Variants in CSNK1G1 observed in about 807,000 individuals in gnomAD.
CSNK1G1 encodes the protein casein kinase I isoform gamma-1.
A neutral mutation model predicts 59.6 loss-of-function variants in CSNK1G1; 22 were observed. The observed-to-expected ratio is 0.37, with a 90% CI of 0.26 to 0.53. The LOEUF (loss-of-function observed/expected upper bound fraction) is 0.53. CSNK1G1 is among the 20% of genes least tolerant of loss of function. The pLI, the probability that CSNK1G1 is intolerant of heterozygous loss-of-function variation, is 0.89. For synonymous variants in CSNK1G1, 179 were observed against 177.1 expected (o/e 1.01, Z -0.08); for missense variants, 384 against 519.5 (o/e 0.74, Z 2.54).
intron 10 of CSNK1G1, among the ~76,000 whole-genome samples, chr15:64,187,358 ATT>A (rs371229586): frequency 1.4e-5 from 2 of 145,280 alleles, no homozygotes; most frequent in Admixed American, 6.9e-5. Flanking sequence ...GGCCTGGCTA[ATT>A]TTTTTTTTTT....
Position 64,166,157 on chromosome 15 carries a change from G to A in CSNK1G1, c.*5774C>T. 2 of 509,188 alleles carry A rather than the reference G, an allele frequency of 3.9e-6. No homozygotes were observed. Among genetic ancestry groups the A allele is most frequent in the East Asian group, 3.2e-5 (1 of 31,320 alleles). 31.5% of individuals were successfully genotyped at this position (509,188 alleles called of 1,614,324 possible). On this transcript the variant is annotated 3_prime_UTR_variant, in exon 12 of 12. Transcript: ENST00000303052. This position sits in a 1 kb window ranked among gnomAD's most constrained non-coding sequence, Gnocchi z 4.5. Reference sequence around the variant, plus strand: ...CCACACATTAAAACTGATTTCCACTGCTGATTTATACATTATCTAGTTGTT... The same window carrying A: ...CCACACATTAAAACTGATTTCCACTACTGATTTATACATTATCTAGTTGTT...
intron 4 of CSNK1G1, among the ~76,000 whole-genome samples, chr15:64,238,724 C>T (rs2140301766): frequency 6.6e-6 from 1 of 151,708 alleles, no homozygotes; most frequent in South Asian, 2.1e-4. Context: ...GAATTCAAAC[C>T]TCCAGAGCAC....
At chr15:64,180,572 G>T (rs144845553) in intron 10 of CSNK1G1, 118 bp from the exon 11 acceptor site, 22 of 756,810 alleles carry the variant, frequency 2.9e-5, no homozygotes, top group Non-Finnish European at 5.0e-5. Flanking sequence ...TGGGTTAAGG[G>T]ATCAATTTAG....
At chr15:64,287,200 G>C (rs1894474979) in intron 2 of CSNK1G1, among the ~76,000 whole-genome samples, 1 of 152,110 alleles carries the variant, frequency 6.6e-6, no homozygotes, top group South Asian at 2.1e-4. Context: ...GTTCTCCCTA[G>C]ACCAAGTCAC....
chr15:64,306,777 T>C (rs1895705360), intron 1 of CSNK1G1, among the ~76,000 whole-genome samples: 1 of 152,164 alleles, frequency 6.6e-6, no homozygotes, highest in South Asian at 2.1e-4. Flanking sequence ...GGTATAGCCA[T>C]GCAATGGAAT....
chr15:64,219,233 G>C (rs1376275488), intron 4 of CSNK1G1, among the ~76,000 whole-genome samples: 4 of 152,086 alleles, frequency 2.6e-5, no homozygotes, highest in Non-Finnish European at 5.9e-5. Flanking sequence ...CCAACTAGTT[G>C]TTTCCAATGA....
chr15:64,250,766 G>GAA (rs58211977), intron 4 of CSNK1G1, among the ~76,000 whole-genome samples: 3 of 147,724 alleles, frequency 2.0e-5, no homozygotes, highest in South Asian at 2.1e-4. Context: ...AAGAAAGAAA[G>GAA]AAAAAAAAAA....
rs563196642 is a variant in CSNK1G1 at position 64,270,979 on chromosome 15, TTTTA to T, written c.182-11742_182-11739del. On this transcript the variant is annotated intron_variant, in intron 2 of 11. Coordinates refer to ENST00000303052, the MANE Select transcript of CSNK1G1 (RefSeq NM_022048.5). ...TTTTATTTTACTATGTATGTGTGTA[TTTTA>T]TTTATTTATTTATTTTTGAGACAGA... is the stretch of plus-strand genomic sequence containing the variant. Among the ~76,000 whole-genome samples, 7 of 152,200 alleles carry T rather than the reference TTTTA, an allele frequency of 4.6e-5. No homozygotes were observed. In the South Asian group the frequency reaches 1.2e-3, roughly 27 times the overall value.
rs3057760 is a variant in CSNK1G1 at position 64,343,208 on chromosome 15, A to AACACACACACAC, written c.-225+12768_-225+12779dup. Among the ~76,000 whole-genome samples, 372 of 110,016 alleles carry AACACACACACAC rather than the reference A, an allele frequency of 3.4e-3. 4 individuals are homozygous for AACACACACACAC. Among genetic ancestry groups the AACACACACACAC allele is most frequent in the African/African-American group, 8.2e-3 (246 of 29,864 alleles). The allele number at this position is 110,016 out of a possible 152,430, so 72.2% of individuals were successfully genotyped here. On this transcript the variant is annotated intron_variant, in intron 1 of 11. Coordinates refer to ENST00000303052, the MANE Select transcript of CSNK1G1 (RefSeq NM_022048.5). ...GCCAGGGCAACAAGAGCAAAACTCC[A>AACACACACACAC]ACACACACACACACACACACACACA... is the stretch of plus-strand genomic sequence containing the variant.
intron 2 of CSNK1G1, among the ~76,000 whole-genome samples, chr15:64,277,140 G>T (rs1217398577): frequency 2.6e-5 from 4 of 151,988 alleles, no homozygotes; most frequent in Admixed American, 6.6e-5. Context: ...AGACAGTGAT[G>T]CAAGTTTTGA....
intron 2 of CSNK1G1, among the ~76,000 whole-genome samples, chr15:64,287,894 C>T (rs140859450): frequency 2.6e-5 from 4 of 152,180 alleles, no homozygotes; most frequent in African/African-American, 9.6e-5. Flanking sequence ...TCCAAAACCC[C>T]ACTGAAAGGA....
intron 10 of CSNK1G1, among the ~76,000 whole-genome samples, chr15:64,193,725 T>G (rs1475268362): frequency 1.3e-5 from 2 of 152,140 alleles, no homozygotes; most frequent in Non-Finnish European, 2.9e-5. Flanking sequence ...GACGAGAGTA[T>G]CAATTCTGTG....
At position 64,170,755 on chromosome 15, in the gene CSNK1G1, T is replaced by A. The variant is rs1462069898; in HGVS notation, c.*1176A>T. On this transcript the variant is annotated 3_prime_UTR_variant, in exon 12 of 12. Coordinates refer to ENST00000303052, the MANE Select transcript of CSNK1G1 (RefSeq NM_022048.5). The stretch of plus-strand genomic sequence containing the variant: ...ATCTAGTTGGAAGTCCCTGGCAGCA[T>A]GGGAAACAATTTCAATTTTTTTTTG... 1 of 152,616 alleles carries A rather than the reference T, an allele frequency of 6.6e-6. No homozygotes were observed. Among genetic ancestry groups the A allele is most frequent in the Non-Finnish European group, 1.5e-5 (1 of 68,036 alleles). 9.5% of individuals were successfully genotyped at this position (152,616 alleles called of 1,614,324 possible). A position where few individuals can be genotyped will look rare whatever the true frequency, so the allele number is the denominator to read the frequency against.
chr15:64,310,402 T>C (rs2140420473), intron 1 of CSNK1G1, among the ~76,000 whole-genome samples: 1 of 151,816 alleles, frequency 6.6e-6, no homozygotes, highest in East Asian at 1.9e-4. Context: ...GAAAAGAAGA[T>C]TTAAATAACT....
Position 64,231,309 on chromosome 15 carries a change from G to A in CSNK1G1, c.293-14596C>T, listed in dbSNP as rs139324673. Among the ~76,000 whole-genome samples, 239 of 148,280 alleles carry A rather than the reference G, an allele frequency of 1.6e-3. 2 individuals carry two copies. The highest frequency in any genetic ancestry group is 5.6e-3 in the African/African-American group (230 of 40,808). On this transcript the variant is annotated intron_variant, in intron 4 of 11. Coordinates refer to ENST00000303052, the MANE Select transcript of CSNK1G1 (RefSeq NM_022048.5). ...CCACTGCACTTCAGCCTAGGTGACA[G>A]AGCAAAACCTCATCTCCAAATATAT...
chr15:64,185,172 A>T (rs1369448827), intron 10 of CSNK1G1, among the ~76,000 whole-genome samples: 1 of 152,228 alleles, frequency 6.6e-6, no homozygotes, highest in Non-Finnish European at 1.5e-5. Flanking sequence ...TTGGAACAGG[A>T]GCCTTCATGT....
rs2140194192 is a variant in CSNK1G1 at position 64,170,410 on chromosome 15, C to T, written c.*1521G>A. ...CCAGTCTCCTTTTCCCTGGAATGTT[C>T]CAGCACCAAACAATCTTTCCCTCCT... is the stretch of plus-strand genomic sequence containing the variant. On this transcript the variant is annotated 3_prime_UTR_variant, in exon 12 of 12. Transcript: ENST00000303052. 6.5e-6 allele frequency: 1 copy of T among 152,732 alleles called. No homozygotes were observed. Among genetic ancestry groups the T allele is most frequent in the Middle Eastern group, 3.4e-3 (1 of 296 alleles). The allele number at this position is 152,732 out of a possible 1,614,324, so 9.5% of individuals were successfully genotyped here.
At chr15:64,227,715 G>T (rs1026862659) in intron 4 of CSNK1G1, among the ~76,000 whole-genome samples, 90 of 152,120 alleles carry the variant, frequency 5.9e-4, no homozygotes, top group African/African-American at 2.1e-3. Context: ...TGGTCATCCT[G>T]TAAGGAAAAA....
Position 64,207,683 on chromosome 15 carries a change from G to A in CSNK1G1, c.680-89C>T, listed in dbSNP as rs2277555. 1.6e-4 allele frequency: 154 copies of A among 957,764 alleles called. No homozygotes were observed. In the East Asian group the frequency reaches 3.2e-3, roughly 20 times the overall value. The allele number at this position is 957,764 out of a possible 1,614,324, so 59.3% of individuals were successfully genotyped here. Reference sequence around the variant, plus strand: ...CAAGTAATCCCTTCAGAAACCCTTCGGCTCTGGAAAGGCTCTGCTTACTAA... The same window carrying A: ...CAAGTAATCCCTTCAGAAACCCTTCAGCTCTGGAAAGGCTCTGCTTACTAA... On this transcript the variant is annotated intron_variant, in intron 6 of 11. Coordinates refer to ENST00000303052, the MANE Select transcript of CSNK1G1 (RefSeq NM_022048.5).
Sources: allele counts gnomAD v4.1 joint callset (sites outside exome capture counted in the v4.1 genomes callset), GRCh38; gene constraint gnomAD v4.1.1; non-coding constraint Gnocchi (gnomAD v3.1); transcripts MANE v1.5; gene names NCBI Gene and HGNC (gene_info 2026-07-23, HGNC 2026-07-21).